The following NSUN7 variants were observed in gnomAD, a reference collection of about 807,000 sequenced individuals.
NSUN7 encodes protein NSUN7.
Under a neutral mutation model 58.5 loss-of-function variants are expected in NSUN7, and 39 were observed. The ratio of observed to expected loss-of-function variants is 0.67; its 90% confidence interval spans 0.52 to 0.87. NSUN7 has a LOEUF of 0.87. Among genes scored for constraint, NSUN7 ranks in the 40% least tolerant of loss-of-function variants. NSUN7 has a pLI of 0.00. For synonymous variants in NSUN7, 278 were observed against 303.7 expected, an observed-to-expected ratio of 0.92 and a Z score of 0.88; for missense variants, 765 against 844.1, an observed-to-expected ratio of 0.91 and a Z score of 1.16.
intron 7 of NSUN7, among the ~76,000 whole-genome samples, chr4:40,788,206 G>A (rs1455140150): frequency 6.6e-6 from 1 of 152,212 alleles, no homozygotes; most frequent in East Asian, 1.9e-4. Context: ...TAAGATGCCT[G>A]TTAGACATTA....
chr4:40,767,324 CTTCAT>C (rs2154287169), intron 4 of NSUN7, among the ~76,000 whole-genome samples: 1 of 152,256 alleles, frequency 6.6e-6, no homozygotes, highest in Admixed American at 6.5e-5. Flanking sequence ...TTATTTCTGC[CTTCAT>C]TTCGTTATGT....
At chr4:40,797,034 C>T (rs1743351628) in intron 9 of NSUN7, among the ~76,000 whole-genome samples, 1 of 152,158 alleles carries the variant, frequency 6.6e-6, no homozygotes, top group Non-Finnish European at 1.5e-5. Context: ...GTGTCAGTTG[C>T]CAGCCCTGGT....
chr4:40,792,630 A>T (rs950323399), intron 8 of NSUN7, among the ~76,000 whole-genome samples: 4 of 152,182 alleles, frequency 2.6e-5, no homozygotes, highest in Admixed American at 6.5e-5. Flanking sequence ...GGGCGCCTGT[A>T]GTCCCAGCTA....
chr4:40,786,443 C>T (rs1742826121), intron 7 of NSUN7: 1 of 1,611,970 alleles, frequency 6.2e-7, no homozygotes, highest in Non-Finnish European at 8.5e-7. Flanking sequence ...ATGGAAGAAG[C>T]CAAAACTGAA....
chr4:40,808,717 T>C lies in NSUN7; in HGVS notation c.1935T>C (p.Ala645=), dbSNP rs534706994. The C allele has an allele frequency of 6.4e-7, 1 of 1,551,152 alleles. No individual in the cohort carries two copies. The highest frequency in any genetic ancestry group is 1.4e-5 in the African/African-American group (1 of 72,802). The change falls in exon 12 of 12, where the codon GCT becomes GCC. Residue 645 remains alanine (A), a synonymous_variant. Transcript: ENST00000381782. ...CTCGGCCAGAAGACAGAATGGTTGC[T>C]CTGAAACCCATCAAGATTGTTCTGC... ...LRPRPEDRMV[A]LKPIKIVLPP... is the part of the protein sequence containing the mutation.
chr4:40,792,624 G>A (rs991124621), intron 8 of NSUN7, among the ~76,000 whole-genome samples: 2 of 152,130 alleles, frequency 1.3e-5, no homozygotes, highest in South Asian at 4.1e-4. Flanking sequence ...GGTGGCGGGC[G>A]CCTGTAGTCC....
intron 7 of NSUN7, among the ~76,000 whole-genome samples, chr4:40,782,055 C>G (rs1482175505): frequency 1.3e-5 from 2 of 151,786 alleles, no homozygotes; most frequent in Non-Finnish European, 2.9e-5. Context: ...TACAAAAAAT[C>G]CAAAGGAATC....
chr4:40,793,354 A>G (rs538652465), intron 8 of NSUN7, among the ~76,000 whole-genome samples: 228 of 152,226 alleles, frequency 1.5e-3, no homozygotes, highest in African/African-American at 5.3e-3. Context: ...AGGCATGAGA[A>G]TTGCTTGAAC....
chr4:40,793,937 A>G (rs1230026946), intron 8 of NSUN7, among the ~76,000 whole-genome samples: 1 of 152,134 alleles, frequency 6.6e-6, no homozygotes, highest in African/African-American at 2.4e-5. Context: ...TTTTCTTCCA[A>G]AGTTTCTTTT....
Position 40,790,689 on chromosome 4 carries a change from G to A in NSUN7, c.1124G>A (p.Arg375His), listed in dbSNP as rs114576247. The A allele has an allele frequency of 7.2e-4, 1,150 of 1,603,564 alleles. 5 individuals are homozygous for A. In the African/African-American group the frequency reaches 0.013, roughly 19 times the overall value. The change falls in exon 8 of 12, where the codon CGT becomes CAT. Residue 375 changes from arginine (R) to histidine (H), a missense_variant. Transcript: ENST00000381782. ...GTTAAAGTGATTTTGCTGCTACCTC[G>A]TTGTTCAGGACTGGGTGTTAGTAAT... is the stretch of plus-strand genomic sequence containing the variant. ...QKVKVILLLP[R>H]CSGLGVSNPV...
intron 2 of NSUN7, among the ~76,000 whole-genome samples, chr4:40,755,153 G>A (rs772389315): frequency 4.6e-5 from 7 of 152,102 alleles, no homozygotes; most frequent in Non-Finnish European, 7.4e-5. Flanking sequence ...GCAGTGGCGC[G>A]ATCTCGGCTC....
rs1192113451 is a variant in NSUN7, at chr4:40,774,617, T to A, written c.642-150T>A. 13 of 696,780 alleles carry A rather than the reference T, an allele frequency of 1.9e-5. No homozygotes were observed. The East Asian group carries it at 3.5e-4, about 19-fold the overall frequency. 43.2% of individuals were successfully genotyped at this position (696,780 alleles called of 1,614,324 possible). A position where few individuals can be genotyped will look rare whatever the true frequency, so the allele number is the denominator to read the frequency against. On this transcript the variant is annotated intron_variant, in intron 5 of 11. Transcript: ENST00000381782. ...GTTAACTTCTCTGCCTATAATTATCTTTTAGTTTATTGTTGGTTAAAATTG... is the reference window on the plus strand; with the variant it reads ...GTTAACTTCTCTGCCTATAATTATCATTTAGTTTATTGTTGGTTAAAATTG...
intron 4 of NSUN7, among the ~76,000 whole-genome samples, chr4:40,764,227 C>A (rs6843519): frequency 0.16 from 17,126 of 107,400 alleles, 879 homozygotes; most frequent in South Asian, 0.23. Flanking sequence ...TCCCTCCCCC[C>A]TCCCCCCACC....
At chr4:40,786,307 T>C (rs1742822237) in intron 7 of NSUN7, 1 of 1,612,762 alleles carries the variant, frequency 6.2e-7, no homozygotes, top group Admixed American at 1.7e-5. Context: ...CTTGGGAAAT[T>C]CTAAAACAGT....
Position 40,808,674 on chromosome 4 carries a change from A to G in NSUN7, c.1892A>G (p.Gln631Arg), listed in dbSNP as rs1744001456. The change falls in exon 12 of 12, where the codon CAG becomes CGG. Residue 631 changes from glutamine to arginine, a missense_variant. Coordinates refer to ENST00000381782, the MANE Select transcript of NSUN7 (RefSeq NM_024677.6). ...NTCPSRPRER[Q>R]THFLRPRPED... ...TGTCCCTCCAGACCGCGTGAACGGC[A>G]GACACACTTCTTAAGACCTCGGCCA... 6.4e-7 allele frequency: 1 copy of G among 1,551,810 alleles called. No individual in the cohort carries two copies. Among genetic ancestry groups the G allele is most frequent in the Middle Eastern group, 1.7e-4 (1 of 5,996 alleles).
chr4:40,767,731 GA>G lies in NSUN7; in HGVS notation c.488+6432del, dbSNP rs1303040070. ...CATACAACTCAAGGACTCAGGAAGA[GA>G]ATGAAATCAGGAACTGGAAAGATGT... On this transcript the variant is annotated intron_variant, in intron 4 of 11. Transcript: ENST00000381782. 3.3e-5 allele frequency among the ~76,000 whole-genome samples: 5 copies of G among 152,252 alleles called. No individual in the cohort carries two copies. The East Asian group carries it at 9.6e-4, about 29-fold the overall frequency.
At chr4:40,790,402 G>A (rs896306210) in intron 7 of NSUN7, among the ~76,000 whole-genome samples, 200 bp from the exon 8 acceptor site, 1 of 152,144 alleles carries the variant, frequency 6.6e-6, no homozygotes, top group Admixed American at 6.5e-5. Context: ...TCAGGTGAAG[G>A]AGAAAACATT....
chr4:40,757,245 A>C (rs1445798352), intron 2 of NSUN7, among the ~76,000 whole-genome samples: 1 of 152,208 alleles, frequency 6.6e-6, no homozygotes, highest in East Asian at 1.9e-4. Context: ...TAAATAAACA[A>C]ATAAATAAAC....
At chr4:40,768,350 C>T (rs1018385422) in intron 4 of NSUN7, among the ~76,000 whole-genome samples, 1 of 151,784 alleles carries the variant, frequency 6.6e-6, no homozygotes, top group Non-Finnish European at 1.5e-5. Flanking sequence ...TACAGGTGTG[C>T]GCCATTATGC....
Sources: gnomAD v4.1 joint callset for allele counts (sites outside exome capture counted in the v4.1 genomes callset) on GRCh38, gnomAD v4.1.1 for gene constraint, MANE v1.5 for transcripts, NCBI Gene and HGNC (gene_info 2026-07-23, HGNC 2026-07-21) for gene names.